STPG2: variants seen among roughly 807,000 people sequenced by gnomAD.
The protein encoded by STPG2 is sperm-tail PG-rich repeat-containing protein 2.
Under a neutral mutation model 54.2 loss-of-function variants are expected in STPG2, and 56 were observed. The observed-to-expected ratio is 1.03, with a 90% CI of 0.83 to 1.29. The LOEUF (loss-of-function observed/expected upper bound fraction) is 1.29, where lower values mean the gene tolerates loss of function less well. Ranked by LOEUF, STPG2 falls within the 50% of genes most tolerant of loss-of-function variation. The pLI, the probability that STPG2 is intolerant of heterozygous loss-of-function variation, is 0.00. For synonymous variants in STPG2, 200 were observed against 181.8 expected, an observed-to-expected ratio of 1.10 and a Z score of -0.81; for missense variants, 596 against 544.9, an observed-to-expected ratio of 1.09 and a Z score of -0.93.
At chr4:98,043,063 AC>A (rs1189897049) in intron 5 of STPG2, among the ~76,000 whole-genome samples, 1 of 152,028 alleles carries the variant, frequency 6.6e-6, no homozygotes, top group African/African-American at 2.4e-5. Flanking sequence ...TACTGAATTG[AC>A]CCTTTCATCA....
At chr4:97,660,169 AT>A (rs34619761) in intron 10 of STPG2, among the ~76,000 whole-genome samples, 1 of 151,960 alleles carries the variant, frequency 6.6e-6, no homozygotes, top group Non-Finnish European at 1.5e-5. Flanking sequence ...AGCCCAGCTA[AT>A]TTTTTGTATT....
At chr4:98,078,921 T>A (rs1738255174) in intron 5 of STPG2, among the ~76,000 whole-genome samples, 1 of 152,120 alleles carries the variant, frequency 6.6e-6, no homozygotes, top group Admixed American at 6.6e-5. Flanking sequence ...TGGAAGGAAA[T>A]CTTGAAATAT....
chr4:97,786,202 A>AT (rs953378750), intron 9 of STPG2, among the ~76,000 whole-genome samples: 23 of 152,060 alleles, frequency 1.5e-4, no homozygotes, highest in Non-Finnish European at 2.9e-5. Flanking sequence ...CCAATTAAAA[A>AT]AAAAAAAATC....
At chr4:97,510,394 A>G (rs114212349) in intron 4 of STPG2, among the ~76,000 whole-genome samples, 158 of 152,258 alleles carry the variant, frequency 1.0e-3, no homozygotes, top group Middle Eastern at 3.4e-3. Context: ...AAAGGAAGTA[A>G]AAGTGTGGAA....
intron 10 of STPG2, among the ~76,000 whole-genome samples, chr4:97,632,698 A>G (rs1198496198): frequency 6.6e-6 from 1 of 152,166 alleles, no homozygotes; most frequent in African/African-American, 2.4e-5. Context: ...AAGAATGACA[A>G]TATGAGACTG....
At chr4:97,477,304 A>G (rs1349998076) in intron 4 of STPG2, among the ~76,000 whole-genome samples, 1 of 152,156 alleles carries the variant, frequency 6.6e-6, no homozygotes, top group East Asian at 1.9e-4. Context: ...CATTTCGTAT[A>G]ACAGTTTCCA....
intron 9 of STPG2, among the ~76,000 whole-genome samples, chr4:97,834,774 G>A (rs1245835381): frequency 6.6e-6 from 1 of 152,022 alleles, no homozygotes; most frequent in African/African-American, 2.4e-5. Context: ...CAAGAGGGAT[G>A]GATCTCACCT....
At chr4:98,090,680 A>G (rs1738659024) in intron 5 of STPG2, among the ~76,000 whole-genome samples, 1 of 152,034 alleles carries the variant, frequency 6.6e-6, no homozygotes, top group Non-Finnish European at 1.5e-5. Flanking sequence ...GATTCTCCCC[A>G]ACCATCAGCA....
intron 9 of STPG2, among the ~76,000 whole-genome samples, chr4:97,831,606 A>G (rs1390643831): frequency 1.3e-5 from 2 of 152,206 alleles, no homozygotes; most frequent in Non-Finnish European, 2.9e-5. Context: ...GAAAAGATCA[A>G]CAAAATAGAC....
chr4:97,969,699 A>C (rs186885836), intron 7 of STPG2, among the ~76,000 whole-genome samples: 5 of 152,348 alleles, frequency 3.3e-5, no homozygotes, highest in Admixed American at 2.6e-4. Flanking sequence ...ACCCACAGCC[A>C]GTATCATACT....
intron 10 of STPG2, among the ~76,000 whole-genome samples, chr4:97,615,040 G>A (rs1350036315): frequency 6.6e-6 from 1 of 152,014 alleles, no homozygotes; most frequent in African/African-American, 2.4e-5. Context: ...TTCTCCATTT[G>A]TAAACTGTGG....
chr4:97,931,160 T>C (rs2149218685), intron 8 of STPG2, among the ~76,000 whole-genome samples: 1 of 152,226 alleles, frequency 6.6e-6, no homozygotes, highest in East Asian at 1.9e-4. Flanking sequence ...CTCTTCCTAT[T>C]TGGATGCCTT....
intron 5 of STPG2, among the ~76,000 whole-genome samples, chr4:98,017,618 T>C (rs1170474378): frequency 6.6e-6 from 1 of 152,212 alleles, no homozygotes; most frequent in Non-Finnish European, 1.5e-5. Context: ...AACTCTTATC[T>C]GGAAACCTTA....
At chr4:97,645,323 T>A (rs1308612588) in intron 10 of STPG2, among the ~76,000 whole-genome samples, 1 of 151,032 alleles carries the variant, frequency 6.6e-6, no homozygotes. Context: ...AAAAAAAGAA[T>A]TCAGCAGTAC....
At chr4:97,591,248 T>G (rs1384435104) in intron 10 of STPG2, among the ~76,000 whole-genome samples, 2 of 152,130 alleles carry the variant, frequency 1.3e-5, no homozygotes, top group Non-Finnish European at 2.9e-5. Context: ...AAATAAAAAT[T>G]TAACATTTTT....
chr4:98,013,453 A>G (rs7680909), intron 5 of STPG2, among the ~76,000 whole-genome samples: 59,964 of 151,916 alleles, frequency 0.39, 12,061 homozygotes, highest in Middle Eastern at 0.46. Context: ...GGGTGATGCT[A>G]GCCTCATAAA....
intron 5 of STPG2, among the ~76,000 whole-genome samples, chr4:98,087,514 G>A (rs545653174): frequency 1.5e-4 from 23 of 150,820 alleles, no homozygotes; most frequent in South Asian, 1.3e-3. Flanking sequence ...TTAAAATTCA[G>A]ATCAATATAA....
intron 4 of STPG2, among the ~76,000 whole-genome samples, chr4:97,523,680 T>C (rs1450218010): frequency 6.6e-6 from 1 of 151,966 alleles, no homozygotes; most frequent in African/African-American, 2.4e-5. Flanking sequence ...AGAAAAATAT[T>C]CCTTAGCATC....
At chr4:98,047,239 A>G (rs1234744508) in intron 5 of STPG2, among the ~76,000 whole-genome samples, 2 of 152,242 alleles carry the variant, frequency 1.3e-5, no homozygotes, top group Non-Finnish European at 2.9e-5. Flanking sequence ...TAGGAGCTTT[A>G]AAAGCTGCAT....
Sources: allele counts gnomAD v4.1 joint callset (sites outside exome capture counted in the v4.1 genomes callset), GRCh38; gene constraint gnomAD v4.1.1; transcripts MANE v1.5; gene names NCBI Gene and HGNC (gene_info 2026-07-23, HGNC 2026-07-21).